Variants in LRRTM4 observed in about 807,000 individuals in gnomAD.
LRRTM4 encodes leucine rich repeat transmembrane neuronal 4.
In LRRTM4, 25 loss-of-function variants were observed where a neutral mutation model predicts 47.6. The observed-to-expected ratio is 0.53, with a 90% confidence interval of 0.38 to 0.73. The LOEUF (loss-of-function observed/expected upper bound fraction) is 0.73, where lower values mean the gene tolerates loss of function less well. Ranked by LOEUF, LRRTM4 falls within the 30% of genes least tolerant of loss-of-function variation. The pLI is 0.00. For synonymous variants in LRRTM4, 311 were observed against 269.5 expected (o/e 1.15, Z -1.51); for missense variants, 638 against 713.4 (o/e 0.89, Z 1.20).
intron 3 of LRRTM4, among the ~76,000 whole-genome samples, chr2:76,986,982 C>T (rs774850170): frequency 6.6e-6 from 1 of 151,854 alleles, no homozygotes; most frequent in Non-Finnish European, 1.5e-5. Flanking sequence ...ATCTGACAGT[C>T]AGTAGCCAAA....
In LRRTM4 at chr2:77,360,548, TCATACATACATACATA is replaced by T. The variant is rs34364581; in HGVS notation, c.1551+157754_1551+157769del. 1.1e-3 allele frequency among the ~76,000 whole-genome samples: 146 copies of T among 138,684 alleles called. 1 individual carries two copies. The highest frequency in any genetic ancestry group is 3.6e-3 in the African/African-American group (129 of 36,114). The allele number at this position is 138,684 out of a possible 152,430, so 91.0% of individuals were successfully genotyped here. A position where few individuals can be genotyped will look rare whatever the true frequency, so the allele number is the denominator to read the frequency against. ...ATACGATACGATACAATACAATCAT[TCATACATACATACATA>T]CATACATACATACATACATACATAC... is the stretch of plus-strand genomic sequence containing the variant. On this transcript the variant is annotated intron_variant, in intron 3 of 3. Coordinates refer to ENST00000409884, the MANE Select transcript of LRRTM4 (RefSeq NM_001134745.3).
chr2:77,063,089 G>T (rs1430004329), intron 3 of LRRTM4, among the ~76,000 whole-genome samples: 1 of 151,174 alleles, frequency 6.6e-6, no homozygotes, highest in Non-Finnish European at 1.5e-5. Context: ...TGAGAAGCTG[G>T]GACTACAGGC....
intron 3 of LRRTM4, among the ~76,000 whole-genome samples, chr2:76,937,645 T>C (rs567491657): frequency 3.2e-4 from 48 of 152,338 alleles, no homozygotes; most frequent in African/African-American, 1.1e-3. Context: ...CCCGACTCAC[T>C]GCAACCTCCG....
chr2:77,274,862 T>C (rs896332881), intron 3 of LRRTM4, among the ~76,000 whole-genome samples: 2 of 152,134 alleles, frequency 1.3e-5, no homozygotes, highest in African/African-American at 4.8e-5. Flanking sequence ...TGACAGAATG[T>C]GTAGCTTGAA....
At chr2:77,379,072 T>C (rs1672948440) in intron 3 of LRRTM4, among the ~76,000 whole-genome samples, 1 of 152,184 alleles carries the variant, frequency 6.6e-6, no homozygotes, top group South Asian at 2.1e-4. Context: ...ATTTCAGAGA[T>C]GTTCTGTTTC....
intron 3 of LRRTM4, among the ~76,000 whole-genome samples, chr2:77,340,874 G>A (rs1234008315): frequency 6.6e-6 from 1 of 151,858 alleles, no homozygotes; most frequent in Non-Finnish European, 1.5e-5. Flanking sequence ...AAGTTAGTTG[G>A]TGAGAGTATA....
intron 3 of LRRTM4, among the ~76,000 whole-genome samples, chr2:77,003,625 A>C (rs1390079965): frequency 6.6e-6 from 1 of 152,264 alleles, no homozygotes; most frequent in East Asian, 1.9e-4. Flanking sequence ...ATTATGAGTT[A>C]ATTAAACCTC....
At chr2:77,086,348 T>C (rs1680712443) in intron 3 of LRRTM4, among the ~76,000 whole-genome samples, 1 of 152,182 alleles carries the variant, frequency 6.6e-6, no homozygotes, top group Non-Finnish European at 1.5e-5. Flanking sequence ...GTTTATGCTT[T>C]TCACCAACAT....
rs538448850 is a variant in LRRTM4 at position 76,800,778 on chromosome 2, C to G, written c.1552-51862G>C. Among the ~76,000 whole-genome samples, 64 of 140,772 alleles carry G rather than the reference C, an allele frequency of 4.5e-4. 2 individuals are homozygous for G. The highest frequency in any genetic ancestry group is 1.7e-3 in the African/African-American group (61 of 36,832). The allele number at this position is 140,772 out of a possible 152,430, so 92.4% of individuals were successfully genotyped here. ...ACAAGAAAAAAACAAACAACCCCAT[C>G]AAAAAGTGGGCGAAGGACATGAACA... On this transcript the variant is annotated intron_variant, in intron 3 of 3. Coordinates refer to ENST00000409884, the MANE Select transcript of LRRTM4 (RefSeq NM_001134745.3).
chr2:77,428,477 A>T (rs1310481301), intron 3 of LRRTM4, among the ~76,000 whole-genome samples: 1 of 152,144 alleles, frequency 6.6e-6, no homozygotes, highest in East Asian at 1.9e-4. Context: ...TCATCAGGAG[A>T]CTGGCCCTGT....
chr2:77,255,146 C>T (rs1249733821), intron 3 of LRRTM4, among the ~76,000 whole-genome samples: 3 of 151,876 alleles, frequency 2.0e-5, no homozygotes, highest in Non-Finnish European at 4.4e-5. Context: ...ATATAAAGTA[C>T]ACTTCATGGA....
At chr2:77,126,118 A>T (rs1436287268) in intron 3 of LRRTM4, among the ~76,000 whole-genome samples, 1 of 151,988 alleles carries the variant, frequency 6.6e-6, no homozygotes, top group African/African-American at 2.4e-5. Flanking sequence ...AAATTAATTT[A>T]TGAAATTCTT....
intron 3 of LRRTM4, among the ~76,000 whole-genome samples, chr2:76,765,130 T>G (rs894049349): frequency 6.6e-6 from 1 of 152,208 alleles, no homozygotes; most frequent in Non-Finnish European, 1.5e-5. Context: ...GTGGAATTTT[T>G]TGGGACCCAT....
At position 76,768,227 on chromosome 2, in the gene LRRTM4, C is replaced by G. The variant is rs1673532895; in HGVS notation, c.1552-19311G>C. ...GCTTCTCTTCTCTAAGAAATTATGA[C>G]AATAGAGGAAAAGTATATTGGTTTC... On this transcript the variant is annotated intron_variant, in intron 3 of 3. Coordinates refer to ENST00000409884, the MANE Select transcript of LRRTM4 (RefSeq NM_001134745.3). Among the ~76,000 whole-genome samples the G allele has an allele frequency of 2.0e-5, 3 of 152,056 alleles. 1 individual carries two copies. The South Asian group carries it at 6.2e-4, about 31-fold the overall frequency.
At chr2:76,977,019 T>TAAC (rs1558773701) in intron 3 of LRRTM4, among the ~76,000 whole-genome samples, 1 of 150,750 alleles carries the variant, frequency 6.6e-6, no homozygotes, top group African/African-American at 2.4e-5. Context: ...CTGTGTGTGT[T>TAAC]TGTGTGTGTT....
intron 3 of LRRTM4, among the ~76,000 whole-genome samples, chr2:77,141,815 A>T (rs1406335855): frequency 3.3e-5 from 5 of 152,166 alleles, no homozygotes; most frequent in Admixed American, 1.3e-4. Context: ...ATATTATGGC[A>T]TGACAGCTGT....
In LRRTM4 at chr2:76,786,121, G is replaced by C. The variant is rs1333795150; in HGVS notation, c.1552-37205C>G. On this transcript the variant is annotated intron_variant, in intron 3 of 3. Coordinates refer to ENST00000409884, the MANE Select transcript of LRRTM4 (RefSeq NM_001134745.3). Reference sequence around the variant, plus strand: ...CCTCACCTCAACTTCAGCTTCATCTGGGAACTTTGCCATAATTGATAGGAA... The same window carrying C: ...CCTCACCTCAACTTCAGCTTCATCTCGGAACTTTGCCATAATTGATAGGAA... Among the ~76,000 whole-genome samples the C allele has an allele frequency of 2.0e-5, 3 of 151,972 alleles. No homozygotes were observed. In the East Asian group the frequency reaches 5.8e-4, roughly 29 times the overall value.
intron 3 of LRRTM4, among the ~76,000 whole-genome samples, chr2:76,976,926 A>G (rs937736507): frequency 2.0e-5 from 3 of 151,836 alleles, no homozygotes; most frequent in Non-Finnish European, 2.9e-5. Context: ...CATTGTATAC[A>G]TGTGTCGAAA....
chr2:77,082,596 A>G (rs2103859457), intron 3 of LRRTM4, among the ~76,000 whole-genome samples: 1 of 152,236 alleles, frequency 6.6e-6, no homozygotes, highest in East Asian at 1.9e-4. Context: ...TTAGCTTAAT[A>G]AAGTGAAAAA....
Sources: gnomAD v4.1 joint callset for allele counts (sites outside exome capture counted in the v4.1 genomes callset) on GRCh38, gnomAD v4.1.1 for gene constraint, MANE v1.5 for transcripts, NCBI Gene and HGNC (gene_info 2026-07-23, HGNC 2026-07-21) for gene names.